Variants in GSG1L observed in about 807,000 individuals in gnomAD.
The protein encoded by GSG1L is germ cell-specific gene 1-like protein.
A neutral mutation model predicts 42.1 loss-of-function variants in GSG1L; 24 were observed. The observed-to-expected ratio is 0.57, with a 90% CI of 0.41 to 0.80. GSG1L has a LOEUF of 0.80. GSG1L is among the 30% of genes least tolerant of loss of function. The pLI is 0.00. For synonymous variants in GSG1L, 215 were observed against 203.5 expected (o/e 1.06, Z -0.48); for missense variants, 445 against 472.2 (o/e 0.94, Z 0.53).
At chr16:27,923,517 G>A (rs958230235) in intron 2 of GSG1L, among the ~76,000 whole-genome samples, 3 of 152,222 alleles carry the variant, frequency 2.0e-5, no homozygotes, top group African/African-American at 7.2e-5. Flanking sequence ...GACTGAGGCA[G>A]GCAGATCGTT....
intron 2 of GSG1L, among the ~76,000 whole-genome samples, chr16:27,908,541 A>G (rs1484805116): frequency 6.6e-6 from 1 of 152,158 alleles, no homozygotes; most frequent in Admixed American, 6.5e-5. Context: ...GGTAATTTTT[A>G]AAAAACAGAA....
chr16:27,816,338 A>G (rs2083093651), intron 5 of GSG1L, among the ~76,000 whole-genome samples: 1 of 152,312 alleles, frequency 6.6e-6, no homozygotes, highest in South Asian at 2.1e-4. Context: ...GGCAAAACCC[A>G]CAGGAGGTCA....
At chr16:27,890,691 G>A (rs1408579869) in intron 2 of GSG1L, among the ~76,000 whole-genome samples, 2 of 152,214 alleles carry the variant, frequency 1.3e-5, no homozygotes, top group African/African-American at 2.4e-5. Flanking sequence ...GCTAAAGCAG[G>A]AGGACAATGA....
chr16:27,995,402 G>T (rs1223996171), intron 1 of GSG1L, among the ~76,000 whole-genome samples: 1 of 152,116 alleles, frequency 6.6e-6, no homozygotes, highest in Non-Finnish European at 1.5e-5. Flanking sequence ...CTATGTAAAC[G>T]CATAACCAAA....
chr16:28,051,756 T>A (rs887191942), intron 1 of GSG1L, among the ~76,000 whole-genome samples: 22 of 152,100 alleles, frequency 1.4e-4, no homozygotes, highest in Admixed American at 1.1e-3. Flanking sequence ...AAGAGCATCA[T>A]GGGAGATGGG....
In GSG1L at chr16:27,935,142, G is replaced by A. The variant is rs149880295; in HGVS notation, c.397+28014C>T. On this transcript the variant is annotated intron_variant, in intron 2 of 6. Coordinates refer to ENST00000447459, the MANE Select transcript of GSG1L (RefSeq NM_001109763.2). ...AGGCGAGGACATTGAGGTGAGACTCGGATGGAGCCCATTATGGGGAGCAGC... is the reference window on the plus strand; with the variant it reads ...AGGCGAGGACATTGAGGTGAGACTCAGATGGAGCCCATTATGGGGAGCAGC... Among the ~76,000 whole-genome samples, 10 of 152,304 alleles carry A rather than the reference G, an allele frequency of 6.6e-5. No homozygotes were observed. The East Asian group carries it at 1.5e-3, about 24-fold the overall frequency.
intron 2 of GSG1L, among the ~76,000 whole-genome samples, chr16:27,903,970 C>G (rs781055206): frequency 4.6e-5 from 7 of 152,144 alleles, no homozygotes; most frequent in Non-Finnish European, 1.0e-4. Flanking sequence ...CCTCCAGGCA[C>G]CCTGGCCCAC....
rs143472128 is a variant in GSG1L at position 27,939,318 on chromosome 16, G to C, written c.397+23838C>G. ...AAATACATTATTTTGTGTAGAGGTG[G>C]AGTTTCACTATGTTGCCCAGGCTGG... On this transcript the variant is annotated intron_variant, in intron 2 of 6. Coordinates refer to ENST00000447459, the MANE Select transcript of GSG1L (RefSeq NM_001109763.2). 3.8e-3 allele frequency among the ~76,000 whole-genome samples: 583 copies of C among 152,164 alleles called. 9 individuals are homozygous for C. The highest frequency in any genetic ancestry group is 0.013 in the African/African-American group (536 of 41,504).
intron 4 of GSG1L, among the ~76,000 whole-genome samples, chr16:27,835,389 C>T (rs2140972921): frequency 6.6e-6 from 1 of 152,216 alleles, no homozygotes; most frequent in East Asian, 1.9e-4. Context: ...TCTATCTCCT[C>T]ATACTTGAAG....
chr16:27,940,095 T>C (rs1938963388), intron 2 of GSG1L, among the ~76,000 whole-genome samples: 1 of 151,880 alleles, frequency 6.6e-6, no homozygotes. Context: ...AAAAAACACA[T>C]GAAAAAATGC....
intron 2 of GSG1L, among the ~76,000 whole-genome samples, chr16:27,946,604 AGAGAGAGAG>A (rs1567529830): frequency 6.2e-3 from 40 of 6,480 alleles, no homozygotes; most frequent in African/African-American, 0.018. Flanking sequence ...AGAGAGAGAG[AGAGAGAGAG>A]AGAGAGAGAG....
chr16:27,917,658 C>T (rs1464301727), intron 2 of GSG1L, among the ~76,000 whole-genome samples: 1 of 152,116 alleles, frequency 6.6e-6, no homozygotes, highest in Non-Finnish European at 1.5e-5. Context: ...GAAGTATTCC[C>T]AGAGTTTTAA....
At chr16:27,967,653 C>T (rs1231933119) in intron 1 of GSG1L, among the ~76,000 whole-genome samples, 1 of 152,194 alleles carries the variant, frequency 6.6e-6, no homozygotes, top group Admixed American at 6.5e-5. Flanking sequence ...TGGTCAGGCA[C>T]GGTGGCTCAT....
chr16:28,040,213 G>T lies in GSG1L; in HGVS notation c.349+22863C>A, dbSNP rs1371293964. On this transcript the variant is annotated intron_variant, in intron 1 of 6. Coordinates refer to ENST00000447459, the MANE Select transcript of GSG1L (RefSeq NM_001109763.2). This position sits in a 1 kb window ranked among gnomAD's most constrained non-coding sequence, Gnocchi z 4.1. Reference sequence around the variant, plus strand: ...TCCAGCCATTCACGCCTCCCTTCAGGTCCCTCTCCCACCCGAGGGCCTTTT... The same window carrying T: ...TCCAGCCATTCACGCCTCCCTTCAGTTCCCTCTCCCACCCGAGGGCCTTTT... 1.3e-5 allele frequency among the ~76,000 whole-genome samples: 2 copies of T among 151,958 alleles called. No individual in the cohort carries two copies. Among genetic ancestry groups the T allele is most frequent in the African/African-American group, 4.8e-5 (2 of 41,336 alleles).
At chr16:28,062,927 C>T in intron 1 of GSG1L, 149 bp downstream of exon 1, 1 of 1,138,440 alleles carries the variant, frequency 8.8e-7, no homozygotes, top group Non-Finnish European at 1.1e-6. Flanking sequence ...GCGCCCCCTG[C>T]CCCGGAACGT....
chr16:27,846,652 T>C (rs2083446469), intron 3 of GSG1L, among the ~76,000 whole-genome samples: 1 of 152,192 alleles, frequency 6.6e-6, no homozygotes, highest in South Asian at 2.1e-4. Context: ...TTTTAAAGAT[T>C]CTGCTTCAAA....
intron 1 of GSG1L, among the ~76,000 whole-genome samples, chr16:28,000,297 G>A (rs973856409): frequency 7.9e-5 from 12 of 152,250 alleles, no homozygotes; most frequent in East Asian, 1.9e-4. Context: ...GTGAGACCTC[G>A]TCTCTACCAA....
chr16:28,059,829 G>A lies in GSG1L; in HGVS notation c.349+3247C>T, dbSNP rs2086320867. Among the ~76,000 whole-genome samples the A allele has an allele frequency of 6.6e-6, 1 of 152,232 alleles. No homozygotes were observed. Among genetic ancestry groups the A allele is most frequent in the Non-Finnish European group, 1.5e-5 (1 of 68,040 alleles). ...GCGGGTGCTCTTCTTGGAGCAAGGA[G>A]AAAAGGTTTCTTTGTGCAGGGTCTG... On this transcript the variant is annotated intron_variant, in intron 1 of 6. Coordinates refer to ENST00000447459, the MANE Select transcript of GSG1L (RefSeq NM_001109763.2). This position sits in a 1 kb window ranked among gnomAD's most constrained non-coding sequence, Gnocchi z 4.4.
chr16:27,950,297 G>T (rs896871421), intron 2 of GSG1L, among the ~76,000 whole-genome samples: 2 of 152,146 alleles, frequency 1.3e-5, no homozygotes, highest in African/African-American at 4.8e-5. Flanking sequence ...CACCGTTTGG[G>T]GTTAATATGA....
Sources: allele counts gnomAD v4.1 joint callset (sites outside exome capture counted in the v4.1 genomes callset), GRCh38; gene constraint gnomAD v4.1.1; non-coding constraint Gnocchi (gnomAD v3.1); transcripts MANE v1.5; gene names NCBI Gene and HGNC (gene_info 2026-07-23, HGNC 2026-07-21).